FHIT: variants seen among roughly 807,000 people sequenced by gnomAD.
FHIT encodes the protein fragile histidine triad diadenosine triphosphatase.
In FHIT, 19 loss-of-function variants were observed where a neutral mutation model predicts 17.9. The ratio of observed to expected loss-of-function variants is 1.06; its 90% CI spans 0.74 to 1.56. The LOEUF (loss-of-function observed/expected upper bound fraction) is 1.56. Among genes scored for constraint, FHIT ranks in the 40% most tolerant of loss-of-function variants. The pLI is 0.00. For synonymous variants in FHIT, 81 were observed against 69.7 expected, an observed-to-expected ratio of 1.16 and a Z score of -0.81; for missense variants, 248 against 189.2, an observed-to-expected ratio of 1.31 and a Z score of -1.82.
Position 59,889,778 on chromosome 3 carries a change from A to G in FHIT, c.348+32568T>C, listed in dbSNP as rs79062001. On this transcript the variant is annotated intron_variant, in intron 8 of 9. Transcript: ENST00000492590. Reference sequence around the variant, plus strand: ...GAAGACACTAATTCTTCATGGGTTCATAAGCACACACATAAGAAAAATCTG... The same window carrying G: ...GAAGACACTAATTCTTCATGGGTTCGTAAGCACACACATAAGAAAAATCTG... Among the ~76,000 whole-genome samples the G allele has an allele frequency of 9.5e-3, 1,441 of 152,336 alleles. 29 individuals are homozygous for G. The highest frequency in any genetic ancestry group is 0.032 in the African/African-American group (1,321 of 41,572).
intron 5 of FHIT, among the ~76,000 whole-genome samples, chr3:60,038,902 C>G (rs2106822122): frequency 6.6e-6 from 1 of 152,212 alleles, no homozygotes; most frequent in South Asian, 2.1e-4. Flanking sequence ...AACAAACTAC[C>G]CTAAAACTAA....
chr3:60,570,057 G>A lies in FHIT; in HGVS notation c.-17-33078C>T, dbSNP rs147190983. Among the ~76,000 whole-genome samples the A allele has an allele frequency of 9.9e-5, 15 of 152,094 alleles. No individual in the cohort carries two copies. The East Asian group carries it at 2.5e-3, about 26-fold the overall frequency. On this transcript the variant is annotated intron_variant, in intron 4 of 9. Transcript: ENST00000492590. The stretch of plus-strand genomic sequence containing the variant: ...TTAAAAATTCCAAAGCCCAGACTAT[G>A]CCACAAATCAATTATATCACAGTCT...
At chr3:60,785,420 G>A (rs1166047192) in intron 4 of FHIT, among the ~76,000 whole-genome samples, 1 of 152,184 alleles carries the variant, frequency 6.6e-6, no homozygotes, top group South Asian at 2.1e-4. Context: ...CAGGCAAAGA[G>A]TATATTAAAC....
intron 5 of FHIT, among the ~76,000 whole-genome samples, chr3:60,019,432 T>TTTTTTTTTC (rs1700469953): frequency 6.7e-6 from 1 of 149,458 alleles, no homozygotes; most frequent in Non-Finnish European, 1.5e-5. Context: ...TTTTTTTTTT[T>TTTTTTTTTC]CCTGAGATGG....
chr3:60,055,787 G>A (rs1444735635), intron 5 of FHIT, among the ~76,000 whole-genome samples: 1 of 152,140 alleles, frequency 6.6e-6, no homozygotes, highest in African/African-American at 2.4e-5. Context: ...AGCACTTAGA[G>A]GAACGGGAAG....
intron 8 of FHIT, among the ~76,000 whole-genome samples, chr3:59,869,963 G>A (rs1028850666): frequency 6.6e-6 from 1 of 152,010 alleles, no homozygotes; most frequent in African/African-American, 2.4e-5. Flanking sequence ...ATTTTTAGCT[G>A]CTACTTATTG....
chr3:60,515,594 G>T (rs1576795218), intron 5 of FHIT, among the ~76,000 whole-genome samples: 5 of 147,100 alleles, frequency 3.4e-5, no homozygotes, highest in Admixed American at 3.4e-4. Flanking sequence ...AAAAAAAAAT[G>T]TTCACGGAAA....
intron 1 of FHIT, among the ~76,000 whole-genome samples, chr3:61,211,337 G>C (rs998003965): frequency 1.3e-5 from 2 of 152,140 alleles, no homozygotes; most frequent in African/African-American, 4.8e-5. Context: ...AAGAAACGGC[G>C]CACCAGAAGA....
chr3:60,369,824 A>T (rs947182638), intron 5 of FHIT, among the ~76,000 whole-genome samples: 4 of 152,180 alleles, frequency 2.6e-5, no homozygotes, highest in Non-Finnish European at 1.5e-5. Context: ...TGTCTTACAG[A>T]GTCCCACTCT....
rs577802071 is a variant in FHIT, at chr3:60,157,487, A to G, written c.104-143335T>C. On this transcript the variant is annotated intron_variant, in intron 5 of 9. Coordinates refer to ENST00000492590, the MANE Select transcript of FHIT (RefSeq NM_002012.4). The stretch of plus-strand genomic sequence containing the variant: ...ATATTCTATGATATTCTGAAAAAAA[A>G]TAATAATAATAGCTCTTGTATTAGC... Among the ~76,000 whole-genome samples, 20 of 152,278 alleles carry G rather than the reference A, an allele frequency of 1.3e-4. No individual in the cohort carries two copies. The South Asian group carries it at 2.5e-3, about 19-fold the overall frequency.
intron 2 of FHIT, among the ~76,000 whole-genome samples, chr3:61,094,123 A>AGTGT (rs146715486): frequency 0.19 from 28,725 of 150,160 alleles, 3,146 homozygotes; most frequent in African/African-American, 0.3. Context: ...AATGCAACCA[A>AGTGT]GTGTGTGTGT....
intron 5 of FHIT, among the ~76,000 whole-genome samples, chr3:60,036,369 T>C (rs1701217331): frequency 6.6e-6 from 1 of 152,138 alleles, no homozygotes; most frequent in Non-Finnish European, 1.5e-5. Context: ...AAGACTCTCA[T>C]GACTCTCTGA....
intron 4 of FHIT, among the ~76,000 whole-genome samples, chr3:60,637,858 G>C (rs936560306): frequency 3.9e-5 from 6 of 152,128 alleles, no homozygotes; most frequent in Non-Finnish European, 7.3e-5. Context: ...AAAGGGACCA[G>C]GGATTCTTAA....
At chr3:60,461,939 T>A (rs2032499401) in intron 5 of FHIT, among the ~76,000 whole-genome samples, 1 of 152,080 alleles carries the variant, frequency 6.6e-6, no homozygotes, top group Admixed American at 6.6e-5. Flanking sequence ...ACTATAACCA[T>A]CCCTGTCAAG....
chr3:60,960,800 T>C (rs1001209876), intron 3 of FHIT, among the ~76,000 whole-genome samples: 4 of 152,264 alleles, frequency 2.6e-5, no homozygotes, highest in Non-Finnish European at 4.4e-5. Context: ...CCATGTTGTA[T>C]ATGTGCCACA....
intron 5 of FHIT, among the ~76,000 whole-genome samples, chr3:60,438,503 C>T (rs1312138841): frequency 3.3e-5 from 5 of 152,068 alleles, no homozygotes; most frequent in East Asian, 3.9e-4. Context: ...CTGTCTATTC[C>T]GCACTTAACT....
chr3:60,731,438 G>T (rs559274351), intron 4 of FHIT, among the ~76,000 whole-genome samples: 31 of 152,288 alleles, frequency 2.0e-4, no homozygotes, highest in African/African-American at 7.2e-4. Context: ...TCGAGTGCAT[G>T]GTTTGACCTT....
At chr3:61,069,768 G>C (rs2034740497) in intron 2 of FHIT, among the ~76,000 whole-genome samples, 1 of 152,302 alleles carries the variant, frequency 6.6e-6, no homozygotes. Flanking sequence ...AGGAAGAACT[G>C]TGGTAAATGA....
rs17256383 is a variant in FHIT at position 60,026,149 on chromosome 3, A to T, written c.104-11997T>A. The stretch of plus-strand genomic sequence containing the variant: ...TACATTCACAAATCCAGGGTTTCAA[A>T]CAAAAAACTCCTGTCTACTCTTTCT... On this transcript the variant is annotated intron_variant, in intron 5 of 9. Transcript: ENST00000492590. Among the ~76,000 whole-genome samples the T allele has an allele frequency of 7.5e-3, 1,137 of 152,336 alleles. 25 individuals carry two copies. The South Asian group carries it at 0.075, about 10-fold the overall frequency.
Sources: allele counts gnomAD v4.1 joint callset (sites outside exome capture counted in the v4.1 genomes callset), GRCh38; gene constraint gnomAD v4.1.1; transcripts MANE v1.5; gene names NCBI Gene and HGNC (gene_info 2026-07-23, HGNC 2026-07-21).